The following ABCA5 variants were observed in gnomAD, a reference collection of about 807,000 sequenced individuals.
ABCA5 encodes the protein ATP binding cassette subfamily A member 5.
In ABCA5, 163 loss-of-function variants were observed where a neutral mutation model predicts 206.0. The observed-to-expected ratio is 0.79, with a 90% CI of 0.70 to 0.90. ABCA5 has a LOEUF of 0.90. Among genes scored for constraint, ABCA5 ranks in the 40% least tolerant of loss-of-function variants. The pLI, the probability that ABCA5 is intolerant of heterozygous loss-of-function variation, is 0.00. For synonymous variants in ABCA5, 609 were observed against 613.8 expected (o/e 0.99, Z 0.11); for missense variants, 1,859 against 1,912.9 (o/e 0.97, Z 0.53).
At chr17:69,288,211 C>A (rs139433949) in intron 14 of ABCA5, among the ~76,000 whole-genome samples, 24 of 152,126 alleles carry the variant, frequency 1.6e-4, no homozygotes, top group East Asian at 7.8e-4. Flanking sequence ...AGCCAGGATC[C>A]AGAATCATTC....
rs748597974 is a variant in ABCA5, at chr17:69,306,741, G to A, written c.772C>T (p.His258Tyr). The A allele has an allele frequency of 2.0e-6, 3 of 1,488,226 alleles. No individual in the cohort carries two copies. The highest frequency in any genetic ancestry group is 1.4e-5 in the African/African-American group (1 of 69,688). The allele number at this position is 1,488,226 out of a possible 1,614,324, so 92.2% of individuals were successfully genotyped here. ...ATAACATACCAAAAGGCAGTATCAT[G>A]AAGTCCCATTATCTTTAAAAATTCT... is the stretch of plus-strand genomic sequence containing the variant. Reference protein sequence around the residue: ...IKEFLKIMGLHDTAFWLSWVL... With the variant: ...IKEFLKIMGLYDTAFWLSWVL... Residue 258 changes from histidine (H) to tyrosine (Y), a missense_variant, in exon 6 of 39, where the codon CAT becomes TAT. By Grantham distance (83) the His-to-Tyr change is moderately conservative. Transcript: ENST00000392676.
intron 1 of ABCA5, among the ~76,000 whole-genome samples, chr17:69,316,646 A>G (rs2075819506): frequency 6.6e-6 from 1 of 152,128 alleles, no homozygotes; most frequent in Non-Finnish European, 1.5e-5. Flanking sequence ...CCAATTTAGC[A>G]AGGGATATAA....
chr17:69,309,210 C>T lies in ABCA5; in HGVS notation c.469+52G>A, dbSNP rs1435335887. 4.3e-6 allele frequency: 6 copies of T among 1,396,576 alleles called. No homozygotes were observed. The East Asian group carries it at 1.5e-4, about 36-fold the overall frequency. The allele number at this position is 1,396,576 out of a possible 1,614,324, so 86.5% of individuals were successfully genotyped here. On this transcript the variant is annotated intron_variant, in intron 4 of 38. Coordinates refer to ENST00000392676, the MANE Select transcript of ABCA5 (RefSeq NM_172232.4). Reference sequence around the variant, plus strand: ...TAAAATTTTGACTATGAACTGCAAGCAGCAAAGATATGCATTTAATTGATC... The same window carrying T: ...TAAAATTTTGACTATGAACTGCAAGTAGCAAAGATATGCATTTAATTGATC...
intron 2 of ABCA5, among the ~76,000 whole-genome samples, 200 bp downstream of exon 2, chr17:69,314,114 A>G (rs909085103): frequency 6.6e-6 from 1 of 152,218 alleles, no homozygotes; most frequent in African/African-American, 2.4e-5. Context: ...AGAAATTATT[A>G]TTAAAATTTT....
chr17:69,314,316 G>A lies in ABCA5; in HGVS notation c.100C>T (p.Gln34Ter), dbSNP rs1328374477. 2.5e-6 allele frequency: 4 copies of A among 1,606,580 alleles called. No individual in the cohort carries two copies. In the South Asian group the frequency reaches 3.3e-5, roughly 13 times the overall value. ...TAAGAAAGAGTTATTTAACTTACCT[G>A]AACACTACTCTTTTTGGTTCTGCAT... ...IKCRTKKSSV[Q>*]EILFPLFFLF... The change falls in exon 2 of 39, where the codon CAG becomes TAG. Residue 34 changes from glutamine (Q) to a stop codon, truncating the protein, a stop_gained and splice_region_variant. Transcript: ENST00000392676. LOFTEE classifies it high-confidence loss of function.
chr17:69,300,026 T>C (rs1268266047), intron 9 of ABCA5, among the ~76,000 whole-genome samples: 2 of 152,176 alleles, frequency 1.3e-5, no homozygotes, highest in Non-Finnish European at 2.9e-5. Context: ...TCAGGATGAT[T>C]CAAATGCATT....
In ABCA5 at chr17:69,302,642, T is replaced by C. The variant is rs1466788460; in HGVS notation, c.1119+76A>G. On this transcript the variant is annotated intron_variant, in intron 8 of 38. Transcript: ENST00000392676. ...AATTTTTTTGGTAAATCAAAGGTAG[T>C]ATTCATGGTAGTATAAGAAGCTACA... 7 of 1,013,628 alleles carry C rather than the reference T, an allele frequency of 6.9e-6. No homozygotes were observed. The South Asian group carries it at 2.0e-4, about 29-fold the overall frequency. 62.8% of individuals were successfully genotyped at this position (1,013,628 alleles called of 1,614,324 possible). A position where few individuals can be genotyped will look rare whatever the true frequency, so the allele number is the denominator to read the frequency against.
intron 1 of ABCA5, chr17:69,317,173 G>A (rs1331005873): frequency 6.6e-6 from 1 of 152,178 alleles, no homozygotes; most frequent in Non-Finnish European, 1.5e-5. Flanking sequence ...AAGGCGGGTG[G>A]ATCACTTGAG....
Position 69,302,742 on chromosome 17 carries a change from A to T in ABCA5, c.1095T>A (p.Cys365Ter), listed in dbSNP as rs2075665312. 3.2e-6 allele frequency: 5 copies of T among 1,579,944 alleles called. No individual in the cohort carries two copies. Among genetic ancestry groups the T allele is most frequent in the Non-Finnish European group, 4.3e-6 (5 of 1,170,682 alleles). ...LVWLFSPFCH[C>*]TFVIGIAQVM... ...CCTGTGCAATACCAATCACAAAAGT[A>T]CAGTGACAGAAAGGACTGAAAAGCC... is the stretch of plus-strand genomic sequence containing the variant. The change falls in exon 8 of 39, where the codon TGT (cysteine) becomes TGA (stop). Residue 365 changes from cysteine to a stop codon, truncating the protein, a stop_gained. Transcript: ENST00000392676. LOFTEE classifies it high-confidence loss of function.
chr17:69,259,248 C>T (rs1164468947), intron 28 of ABCA5, among the ~76,000 whole-genome samples: 2 of 151,982 alleles, frequency 1.3e-5, no homozygotes, highest in Non-Finnish European at 2.9e-5. Flanking sequence ...ACATGATAAG[C>T]CCTCCAAACA....
chr17:69,306,183 A>G (rs1403139628), intron 6 of ABCA5, among the ~76,000 whole-genome samples: 3 of 152,132 alleles, frequency 2.0e-5, no homozygotes, highest in Non-Finnish European at 4.4e-5. Context: ...TAGTGAAAAC[A>G]TGGTTTTCTC....
intron 9 of ABCA5, among the ~76,000 whole-genome samples, chr17:69,298,060 C>A (rs1478410124): frequency 1.3e-5 from 2 of 152,024 alleles, no homozygotes; most frequent in Non-Finnish European, 2.9e-5. Flanking sequence ...GTGGTGCATG[C>A]CTGTAGTCCC....
intron 11 of ABCA5, among the ~76,000 whole-genome samples, chr17:69,293,508 G>A (rs1178697072): frequency 6.6e-6 from 1 of 152,152 alleles, no homozygotes; most frequent in Admixed American, 6.5e-5. Flanking sequence ...TGTAGAAGTT[G>A]CTGTAGATGT....
chr17:69,291,612 G>C (rs2075527002), intron 11 of ABCA5, among the ~76,000 whole-genome samples: 1 of 152,062 alleles, frequency 6.6e-6, no homozygotes, highest in African/African-American at 2.4e-5. Context: ...ATTACCAATG[G>C]AACCAATGGA....
At chr17:69,253,702 C>T (rs1327166457) in intron 33 of ABCA5, 35 bp from the exon 34 acceptor site, 1 of 1,592,934 alleles carries the variant, frequency 6.3e-7, no homozygotes, top group Admixed American at 1.7e-5. Flanking sequence ...GGGAAATTAA[C>T]AAAGGTTCAC....
intron 15 of ABCA5, 138 bp from the exon 16 acceptor site, chr17:69,286,449 G>A (rs894716611): frequency 1.8e-5 from 13 of 712,940 alleles, no homozygotes; most frequent in Non-Finnish European, 2.9e-5. Flanking sequence ...TATGAGGATG[G>A]TACTAGATTA....
chr17:69,278,840 T>G (rs2075360617), intron 18 of ABCA5, among the ~76,000 whole-genome samples: 2 of 151,888 alleles, frequency 1.3e-5, no homozygotes, highest in Non-Finnish European at 1.5e-5. Context: ...CAACAACCCT[T>G]CATGCTAAAA....
intron 5 of ABCA5, among the ~76,000 whole-genome samples, 181 bp from the exon 6 acceptor site, chr17:69,307,135 AT>A (rs767146777): frequency 1.3e-5 from 2 of 152,080 alleles, no homozygotes; most frequent in Non-Finnish European, 2.9e-5. Context: ...AGAATATTGC[AT>A]TCAATTTATT....
Position 69,320,533 on chromosome 17 carries a change from A to G in ABCA5, c.-15-6103T>C, listed in dbSNP as rs571404593. Among the ~76,000 whole-genome samples the G allele has an allele frequency of 2.0e-5, 3 of 150,196 alleles. No homozygotes were observed. The East Asian group carries it at 5.8e-4, about 29-fold the overall frequency. On this transcript the variant is annotated intron_variant, in intron 1 of 38. Transcript: ENST00000392676. Reference sequence around the variant, plus strand: ...GAGCTTCAATTCAAGTTATTGAAACAAAAAAAAAATCTCTTAAGCCCATCT... The same window carrying G: ...GAGCTTCAATTCAAGTTATTGAAACGAAAAAAAAATCTCTTAAGCCCATCT...
Sources: allele counts gnomAD v4.1 joint callset (sites outside exome capture counted in the v4.1 genomes callset), GRCh38; gene constraint gnomAD v4.1.1; transcripts MANE v1.5; gene names NCBI Gene and HGNC (gene_info 2026-07-23, HGNC 2026-07-21).